The following PTPRD variants were observed in gnomAD, a reference collection of about 807,000 sequenced individuals.
PTPRD encodes the protein receptor-type tyrosine-protein phosphatase delta.
In PTPRD, 34 loss-of-function variants were observed where a neutral mutation model predicts 214.5. The ratio of observed to expected loss-of-function variants is 0.16; its 90% CI spans 0.12 to 0.21. The LOEUF is 0.21. Ranked by LOEUF, PTPRD falls within the 10% of genes least tolerant of loss-of-function variation. The pLI is 1.00. For missense variants in PTPRD, 2,545 were observed against 2,398.7 expected, an observed-to-expected ratio of 1.06 and a Z score of -1.27; for synonymous variants, 1,128 against 845.7, an observed-to-expected ratio of 1.33 and a Z score of -5.79.
chr9:8,636,717 G>C lies in PTPRD; in HGVS notation c.192C>G (p.Val64=), dbSNP rs2154327931. 6.2e-7 allele frequency: 1 copy of C among 1,613,984 alleles called. No individual in the cohort carries two copies. The highest frequency in any genetic ancestry group is 8.5e-7 in the Non-Finnish European group (1 of 1,179,924). Residue 64 remains valine, a synonymous_variant, in exon 13 of 46, where the codon GTC becomes GTG. Coordinates refer to ENST00000381196, the MANE Select transcript of PTPRD (RefSeq NM_002839.4). ...KIVWNKKGKK[V]SNQRFEVIEF... is the part of the protein sequence containing the mutation. Reference sequence around the variant, plus strand: ...CTAATACCTCAAATCTCTGATTGCTGACTTTCTTTCCTTTTTTGTTCCAGA... The same window carrying C: ...CTAATACCTCAAATCTCTGATTGCTCACTTTCTTTCCTTTTTTGTTCCAGA...
chr9:10,536,756 C>G (rs928651397), intron 2 of PTPRD, among the ~76,000 whole-genome samples: 1 of 152,136 alleles, frequency 6.6e-6, no homozygotes, highest in African/African-American at 2.4e-5. Flanking sequence ...AGTGAAAAGT[C>G]AGCTGTCTCA....
chr9:9,973,556 T>A (rs921028565), intron 4 of PTPRD, among the ~76,000 whole-genome samples: 1 of 152,118 alleles, frequency 6.6e-6, no homozygotes, highest in African/African-American at 2.4e-5. Flanking sequence ...CCTTAATTCC[T>A]CACTCACTTT....
intron 2 of PTPRD, among the ~76,000 whole-genome samples, chr9:10,487,381 C>T (rs2099139560): frequency 6.6e-6 from 1 of 152,138 alleles, no homozygotes; most frequent in Non-Finnish European, 1.5e-5. Flanking sequence ...CTTCTTTCTT[C>T]CCTTCCTGTC....
chr9:9,500,663 T>G (rs1426816194), intron 8 of PTPRD, among the ~76,000 whole-genome samples: 1 of 152,030 alleles, frequency 6.6e-6, no homozygotes, highest in African/African-American at 2.4e-5. Context: ...TAAAAAGTAT[T>G]ACAGATGAAG....
chr9:9,239,677 T>A (rs1157246091), intron 9 of PTPRD, among the ~76,000 whole-genome samples: 1 of 152,192 alleles, frequency 6.6e-6, no homozygotes, highest in Admixed American at 6.6e-5. Flanking sequence ...ATGGCCATGG[T>A]ACAGCCTGAA....
At chr9:9,035,331 C>G (rs2099618117) in intron 10 of PTPRD, among the ~76,000 whole-genome samples, 1 of 152,054 alleles carries the variant, frequency 6.6e-6, no homozygotes, top group Non-Finnish European at 1.5e-5. Flanking sequence ...CCTTCTCTGT[C>G]TTTTTGAAAT....
intron 8 of PTPRD, among the ~76,000 whole-genome samples, chr9:9,504,105 C>A (rs575293863): frequency 7.0e-4 from 106 of 151,772 alleles, no homozygotes; most frequent in Non-Finnish European, 9.4e-4. Flanking sequence ...AAGTAAATAT[C>A]ATTTTCCTTT....
chr9:8,706,852 T>G (rs1008803973), intron 12 of PTPRD, among the ~76,000 whole-genome samples: 2 of 152,176 alleles, frequency 1.3e-5, no homozygotes, highest in African/African-American at 4.8e-5. Flanking sequence ...GCAGCATGCC[T>G]CTGAAGCAAC....
intron 8 of PTPRD, among the ~76,000 whole-genome samples, chr9:9,481,077 G>A (rs1477078915): frequency 6.6e-6 from 1 of 152,108 alleles, no homozygotes; most frequent in Non-Finnish European, 1.5e-5. Context: ...TGTGCACTCA[G>A]TATACACTTC....
chr9:8,950,151 AT>A (rs544510049), intron 11 of PTPRD, among the ~76,000 whole-genome samples: 25 of 152,146 alleles, frequency 1.6e-4, no homozygotes, highest in Non-Finnish European at 3.4e-4. Flanking sequence ...GCAAATCTAA[AT>A]TTGTTAGTTT....
At chr9:10,549,706 A>G (rs1047860235) in intron 2 of PTPRD, among the ~76,000 whole-genome samples, 3 of 152,188 alleles carry the variant, frequency 2.0e-5, no homozygotes, top group African/African-American at 4.8e-5. Flanking sequence ...CCTTAGCTCT[A>G]GGAAAAGCCA....
chr9:8,846,205 G>A (rs2097692178), intron 11 of PTPRD, among the ~76,000 whole-genome samples: 1 of 152,170 alleles, frequency 6.6e-6, no homozygotes. Flanking sequence ...TTACAGAGGA[G>A]CAATAGACAA....
At chr9:8,468,917 G>A (rs923207189) in intron 31 of PTPRD, among the ~76,000 whole-genome samples, 9 of 151,758 alleles carry the variant, frequency 5.9e-5, no homozygotes, top group African/African-American at 1.9e-4. Flanking sequence ...TGTACTGGAG[G>A]TAATTCCAGA....
intron 9 of PTPRD, among the ~76,000 whole-genome samples, chr9:9,381,867 G>A (rs1002587585): frequency 1.3e-5 from 2 of 150,170 alleles, no homozygotes; most frequent in Admixed American, 6.6e-5. Context: ...ATCTTTTGTG[G>A]TTCCATGTGA....
At chr9:10,578,876 T>C (rs2070620166) in intron 2 of PTPRD, among the ~76,000 whole-genome samples, 1 of 152,196 alleles carries the variant, frequency 6.6e-6, no homozygotes, top group South Asian at 2.1e-4. Flanking sequence ...TGTTTTGTTT[T>C]GTTTTTAAAT....
chr9:9,855,833 T>C (rs1394597454), intron 5 of PTPRD, among the ~76,000 whole-genome samples: 1 of 152,184 alleles, frequency 6.6e-6, no homozygotes, highest in East Asian at 1.9e-4. Context: ...GTTAGGGCTT[T>C]TTAGCTCTGC....
intron 9 of PTPRD, among the ~76,000 whole-genome samples, chr9:9,315,418 C>G (rs34084590): frequency 3.3e-5 from 5 of 151,904 alleles, no homozygotes; most frequent in Non-Finnish European, 7.4e-5. Flanking sequence ...AAACACTTAT[C>G]TAGGATAATT....
chr9:9,513,039 A>T (rs4742606), intron 8 of PTPRD, among the ~76,000 whole-genome samples: 7 of 151,608 alleles, frequency 4.6e-5, no homozygotes, highest in African/African-American at 1.5e-4. Context: ...TGGTTAACAC[A>T]TCTACTACTG....
At chr9:9,401,134 A>G (rs1292406579) in intron 8 of PTPRD, among the ~76,000 whole-genome samples, 2 of 152,200 alleles carry the variant, frequency 1.3e-5, no homozygotes, top group East Asian at 3.9e-4. Context: ...AACCAATTAT[A>G]GAAATAATTA....
Sources: gnomAD v4.1 joint callset for allele counts (sites outside exome capture counted in the v4.1 genomes callset) on GRCh38, gnomAD v4.1.1 for gene constraint, MANE v1.5 for transcripts, NCBI Gene and HGNC (gene_info 2026-07-23, HGNC 2026-07-21) for gene names.